EFL1: variants seen among roughly 807,000 people sequenced by gnomAD.
The protein encoded by EFL1 is elongation factor like GTPase 1, also known as elongation factor-like GTPase 1.
A neutral mutation model predicts 126.7 loss-of-function variants in EFL1; 76 were observed. That is an observed-to-expected ratio of 0.60 (90% confidence interval 0.50 to 0.73). The LOEUF is 0.73. Among genes scored for constraint, EFL1 ranks in the 30% least tolerant of loss-of-function variants. EFL1 has a pLI of 0.00. For synonymous variants in EFL1, 410 were observed against 448.4 expected, an observed-to-expected ratio of 0.91 and a Z score of 1.08; for missense variants, 1,128 against 1,343.2, an observed-to-expected ratio of 0.84 and a Z score of 2.50.
At chr15:82,183,123 T>A (rs552675308) in intron 15 of EFL1, among the ~76,000 whole-genome samples, 2 of 152,236 alleles carry the variant, frequency 1.3e-5, no homozygotes, top group South Asian at 4.1e-4. Context: ...AAACCAGGGA[T>A]TTGTCCAGAG....
At chr15:82,256,281 C>A (rs112520143) in intron 3 of EFL1, among the ~76,000 whole-genome samples, 1 of 152,150 alleles carries the variant, frequency 6.6e-6, no homozygotes, top group Non-Finnish European at 1.5e-5. Flanking sequence ...GGCACAGGTA[C>A]ATTTATTATG....
At chr15:82,207,875 A>G (rs983670748) in intron 15 of EFL1, among the ~76,000 whole-genome samples, 1 of 152,096 alleles carries the variant, frequency 6.6e-6, no homozygotes, top group Non-Finnish European at 1.5e-5. Flanking sequence ...GGCACCCGCC[A>G]CACACCCAGC....
intron 17 of EFL1, 36 bp downstream of exon 17, chr15:82,157,677 G>A: frequency 6.3e-7 from 1 of 1,589,560 alleles, no homozygotes; most frequent in Non-Finnish European, 8.6e-7. Context: ...TTGATTGAGA[G>A]CTATCATTTC....
intron 15 of EFL1, 144 bp from the exon 16 acceptor site, chr15:82,164,128 G>GTTT: frequency 3.1e-5 from 24 of 769,560 alleles, no homozygotes; most frequent in African/African-American, 1.8e-4. Flanking sequence ...GACCTGCACT[G>GTTT]TTTTTTTTTT....
intron 15 of EFL1, among the ~76,000 whole-genome samples, chr15:82,196,400 A>G (rs2074408579): frequency 6.6e-6 from 1 of 152,250 alleles, no homozygotes; most frequent in African/African-American, 2.4e-5. Context: ...AGGGTTCTAT[A>G]TGCAGAGTAT....
chr15:82,188,047 C>T lies in EFL1; in HGVS notation c.1751-24063G>A, dbSNP rs1283982181. 2.0e-5 allele frequency among the ~76,000 whole-genome samples: 3 copies of T among 152,166 alleles called. No homozygotes were observed. In the East Asian group the frequency reaches 5.8e-4, roughly 29 times the overall value. Reference sequence around the variant, plus strand: ...TAATTTTAGTTCCAATTGAATTTTTCTTTAATAAAATATAACTCTTTGTCC... The same window carrying T: ...TAATTTTAGTTCCAATTGAATTTTTTTTTAATAAAATATAACTCTTTGTCC... On this transcript the variant is annotated intron_variant, in intron 15 of 19. Coordinates refer to ENST00000268206, the MANE Select transcript of EFL1 (RefSeq NM_024580.6).
chr15:82,206,231 A>G (rs1319632147), intron 15 of EFL1, among the ~76,000 whole-genome samples: 1 of 152,222 alleles, frequency 6.6e-6, no homozygotes, highest in Admixed American at 6.5e-5. Context: ...TCTCAATTAG[A>G]AAATTAAAAT....
chr15:82,182,609 A>G (rs2867577), intron 15 of EFL1, among the ~76,000 whole-genome samples: 101,121 of 151,730 alleles, frequency 0.67, 35,473 homozygotes, highest in African/African-American at 0.89. Context: ...GGATCACGAG[A>G]TCAGGAGATC....
intron 7 of EFL1, among the ~76,000 whole-genome samples, chr15:82,237,211 T>TA (rs1445571215): frequency 1.3e-5 from 2 of 152,124 alleles, no homozygotes; most frequent in African/African-American, 2.4e-5. Flanking sequence ...AAGACACTGT[T>TA]AGAGGATATG....
chr15:82,163,782 C>T, intron 16 of EFL1, 71 bp downstream of exon 16: 1 of 1,537,074 alleles, frequency 6.5e-7, no homozygotes, highest in Non-Finnish European at 8.8e-7. Flanking sequence ...CATGAGGAAT[C>T]AAATACTAAA....
chr15:82,159,525 T>C (rs531807130), intron 16 of EFL1, among the ~76,000 whole-genome samples: 45 of 151,820 alleles, frequency 3.0e-4, no homozygotes, highest in Non-Finnish European at 6.2e-4. Flanking sequence ...CATTTTGAAA[T>C]TAGGTGTTTG....
Position 82,138,665 on chromosome 15 carries a change from T to TG in EFL1, c.3166dup (p.His1056ProfsTer8), listed in dbSNP as rs1466275917. 1 of 1,613,596 alleles carries TG rather than the reference T, an allele frequency of 6.2e-7. No homozygotes were observed. Among genetic ancestry groups the TG allele is most frequent in the Admixed American group, 1.7e-5 (1 of 59,974 alleles). ...GGGAACTTGGATTTTTACCTCCCAA[T>TG]GGCTGAATACTAGTTGTGGGCTGGC... On this transcript the variant is annotated frameshift_variant, in exon 19 of 20. Coordinates refer to ENST00000268206, the MANE Select transcript of EFL1 (RefSeq NM_024580.6). LOFTEE classifies it high-confidence loss of function.
intron 15 of EFL1, among the ~76,000 whole-genome samples, chr15:82,173,611 G>A (rs987910358): frequency 3.3e-5 from 5 of 152,040 alleles, no homozygotes; most frequent in Admixed American, 1.3e-4. Flanking sequence ...TCTGTAATTT[G>A]CAAATATTCT....
In EFL1 at chr15:82,228,267, C is replaced by T. The variant is rs1595996345; in HGVS notation, c.993G>A (p.Glu331=). Residue 331 remains glutamate, a synonymous_variant, in exon 10 of 20, where the codon GAG becomes GAA. Transcript: ENST00000268206. ...TSLGLKIGAR[E]ARHSDPKVQI... ...GAACTTTAGGGTCTGAATGTCGTGC[C>T]TCCCGGGCTCCAATTTTTAATCCTA... 1.2e-6 allele frequency: 2 copies of T among 1,614,118 alleles called. No homozygotes were observed. The highest frequency in any genetic ancestry group is 2.7e-5 in the African/African-American group (2 of 75,034).
chr15:82,163,864 G>A lies in EFL1; in HGVS notation c.1871C>T (p.Pro624Leu), dbSNP rs2074048610. The A allele has an allele frequency of 6.2e-7, 1 of 1,613,588 alleles. No individual in the cohort carries two copies. The highest frequency in any genetic ancestry group is 1.7e-5 in the Admixed American group (1 of 59,918). Residue 624 changes from proline (P) to leucine (L), a missense_variant, in exon 16 of 20, where the codon CCA becomes CTA. Pro to Leu is a moderately conservative substitution (Grantham distance 98, BLOSUM62 -3). Coordinates refer to ENST00000268206, the MANE Select transcript of EFL1 (RefSeq NM_024580.6). The stretch of plus-strand genomic sequence containing the variant: ...TAAGGTCATCTTACTTGGATGTTTT[G>A]GTTCAACAGCAACTCTCACAATAGG... ...ATPIVRVAVE[P>L]KHPSEMPQLV...
At chr15:82,140,649 T>C (rs1294339172) in intron 18 of EFL1, among the ~76,000 whole-genome samples, 1 of 152,204 alleles carries the variant, frequency 6.6e-6, no homozygotes, top group Admixed American at 6.5e-5. Context: ...CCAATACCAC[T>C]TTACAATGGA....
chr15:82,251,442 G>T (rs1268844183), intron 4 of EFL1, among the ~76,000 whole-genome samples: 1 of 152,156 alleles, frequency 6.6e-6, no homozygotes, highest in Non-Finnish European at 1.5e-5. Flanking sequence ...AGGGGGACTA[G>T]AGACAAAGTA....
intron 15 of EFL1, among the ~76,000 whole-genome samples, chr15:82,186,177 T>C (rs2074301646): frequency 6.6e-6 from 1 of 152,040 alleles, no homozygotes; most frequent in South Asian, 2.1e-4. Context: ...GGCTAGCTTT[T>C]TATACTCAGA....
intron 15 of EFL1, among the ~76,000 whole-genome samples, chr15:82,189,692 A>G (rs2074338420): frequency 6.6e-6 from 1 of 152,160 alleles, no homozygotes; most frequent in Non-Finnish European, 1.5e-5. Context: ...ATGAGAGCCC[A>G]AGTCCTTAAA....
Sources: allele counts gnomAD v4.1 joint callset (sites outside exome capture counted in the v4.1 genomes callset), GRCh38; gene constraint gnomAD v4.1.1; transcripts MANE v1.5; gene names NCBI Gene and HGNC (gene_info 2026-07-23, HGNC 2026-07-21).